RIMS2: variants seen among roughly 807,000 people sequenced by gnomAD.
The protein encoded by RIMS2 is regulating synaptic membrane exocytosis protein 2.
Under a neutral mutation model 174.4 loss-of-function variants are expected in RIMS2, and 59 were observed. That is an observed-to-expected ratio of 0.34 (90% CI 0.27 to 0.42). The LOEUF (loss-of-function observed/expected upper bound fraction) is 0.42, where lower values mean the gene tolerates loss of function less well. Ranked by LOEUF, RIMS2 falls within the 10% of genes least tolerant of loss-of-function variation. The pLI, the probability that RIMS2 is intolerant of heterozygous loss-of-function variation, is 1.00. For synonymous variants in RIMS2, 606 were observed against 572.5 expected (o/e 1.06, Z -0.84); for missense variants, 1,620 against 1,666.3 (o/e 0.97, Z 0.48).
chr8:104,134,892 A>C (rs2098505443), intron 19 of RIMS2, among the ~76,000 whole-genome samples: 1 of 152,144 alleles, frequency 6.6e-6, no homozygotes, highest in Non-Finnish European at 1.5e-5. Context: ...ATTTAAGCAG[A>C]ATTTATATTG....
chr8:104,056,809 TGA>T (rs1374824942), intron 19 of RIMS2, among the ~76,000 whole-genome samples: 8 of 152,136 alleles, frequency 5.3e-5, no homozygotes, highest in Admixed American at 1.3e-4. Context: ...CACTTAAGCC[TGA>T]GAGGTAAAAA....
At chr8:103,586,276 C>G (rs1407398702) in intron 1 of RIMS2, among the ~76,000 whole-genome samples, 1 of 152,134 alleles carries the variant, frequency 6.6e-6, no homozygotes, top group African/African-American at 2.4e-5. Context: ...AGCATTTTAT[C>G]CAATAGCTGC....
At chr8:104,090,246 A>G (rs1239032132) in intron 19 of RIMS2, among the ~76,000 whole-genome samples, 1 of 151,798 alleles carries the variant, frequency 6.6e-6, no homozygotes, top group Non-Finnish European at 1.5e-5. Flanking sequence ...TAAATTTTGC[A>G]TATCTAAAAT....
At chr8:103,743,874 C>T (rs1336458264) in intron 2 of RIMS2, among the ~76,000 whole-genome samples, 1 of 151,956 alleles carries the variant, frequency 6.6e-6, no homozygotes, top group Non-Finnish European at 1.5e-5. Flanking sequence ...TGGGGTTGAA[C>T]TTTATTAAAT....
chr8:103,642,279 G>T (rs12542880), intron 1 of RIMS2, among the ~76,000 whole-genome samples: 1 of 151,890 alleles, frequency 6.6e-6, no homozygotes, highest in Non-Finnish European at 1.5e-5. Context: ...ATGAATCCAA[G>T]TCCATTTCAA....
At chr8:104,048,305 G>A (rs766804917) in intron 19 of RIMS2, among the ~76,000 whole-genome samples, 2 of 152,134 alleles carry the variant, frequency 1.3e-5, no homozygotes, top group East Asian at 1.9e-4. Flanking sequence ...AACAAGAAAT[G>A]CAGTGGTAAG....
intron 19 of RIMS2, among the ~76,000 whole-genome samples, chr8:104,221,455 T>A (rs2099154854): frequency 6.6e-6 from 1 of 152,328 alleles, no homozygotes; most frequent in African/African-American, 2.4e-5. Context: ...TAAAATTCTA[T>A]GATTCTTATA....
chr8:103,931,489 A>G (rs979664623), intron 12 of RIMS2, 96 bp downstream of exon 14: 9 of 796,724 alleles, frequency 1.1e-5, no homozygotes, highest in Non-Finnish European at 1.5e-5. Flanking sequence ...TTGGTATCAT[A>G]CTAGTGAGAT....
intron 1 of RIMS2, among the ~76,000 whole-genome samples, chr8:103,633,877 A>G (rs1215706231): frequency 1.3e-5 from 2 of 152,140 alleles, no homozygotes; most frequent in Non-Finnish European, 2.9e-5. Context: ...CAGTAGTAAC[A>G]TTCCCTTCAT....
At chr8:103,923,916 T>C (rs2154530143) in intron 10 of RIMS2, among the ~76,000 whole-genome samples, 1 of 151,858 alleles carries the variant, frequency 6.6e-6, no homozygotes, top group Admixed American at 6.6e-5. Context: ...CTCTTTCGAA[T>C]CCTGATTTTT....
intron 1 of RIMS2, among the ~76,000 whole-genome samples, chr8:103,585,995 CAAA>C (rs1211573210): frequency 1.4e-5 from 2 of 143,512 alleles, no homozygotes; most frequent in African/African-American, 5.1e-5. Flanking sequence ...TAAAACAAGA[CAAA>C]GAAGGTTGCT....
intron 19 of RIMS2, among the ~76,000 whole-genome samples, chr8:104,135,080 T>C (rs2098507214): frequency 6.6e-6 from 1 of 152,186 alleles, no homozygotes; most frequent in Non-Finnish European, 1.5e-5. Context: ...AAACTTCATG[T>C]ATATGGTATA....
intron 19 of RIMS2, among the ~76,000 whole-genome samples, chr8:104,076,650 G>A (rs1313994485): frequency 2.0e-5 from 3 of 152,046 alleles, no homozygotes; most frequent in Admixed American, 6.6e-5. Context: ...AAAGACTACA[G>A]AGTAGTATTA....
At chr8:104,244,797 AACAAGAGCACTTTTTATTT>A in intron 19 of RIMS2, 100 bp from the exon 26 acceptor site, 1 of 757,116 alleles carries the variant, frequency 1.3e-6, no homozygotes, top group Non-Finnish European at 2.2e-6. Context: ...CTGCCTCCTT[AACAAGAGCACTTTTTATTT>A]ACACAGTTCT....
chr8:104,251,231 A>G, intron 23 of RIMS2, 68 bp downstream of exon 29: 1 of 1,289,700 alleles, frequency 7.8e-7, no homozygotes, highest in African/African-American at 1.5e-5. Flanking sequence ...TTATACCCCA[A>G]ATCTTTTCTG....
chr8:104,153,564 A>G (rs1174629012), intron 19 of RIMS2, among the ~76,000 whole-genome samples: 2 of 152,200 alleles, frequency 1.3e-5, no homozygotes, highest in Non-Finnish European at 2.9e-5. Flanking sequence ...AAGTACAGTT[A>G]TTACATGATT....
chr8:103,594,843 A>G (rs2094423741), intron 1 of RIMS2, among the ~76,000 whole-genome samples: 1 of 151,802 alleles, frequency 6.6e-6, no homozygotes, highest in Admixed American at 6.6e-5. Context: ...ACAATATATA[A>G]GTATGTTTCA....
At chr8:103,807,628 T>G (rs1418768132) in intron 3 of RIMS2, among the ~76,000 whole-genome samples, 2 of 152,046 alleles carry the variant, frequency 1.3e-5, no homozygotes, top group African/African-American at 4.8e-5. Context: ...ACAATTAATA[T>G]TATTTGTTTA....
intron 3 of RIMS2, among the ~76,000 whole-genome samples, chr8:103,818,778 G>T (rs1293961462): frequency 6.6e-6 from 1 of 152,050 alleles, no homozygotes; most frequent in Non-Finnish European, 1.5e-5. Flanking sequence ...AATAAATGGA[G>T]AAATTTTAAA....
Sources: gnomAD v4.1 joint callset for allele counts (sites outside exome capture counted in the v4.1 genomes callset) on GRCh38, gnomAD v4.1.1 for gene constraint, MANE v1.5 for transcripts, NCBI Gene and HGNC (gene_info 2026-07-23, HGNC 2026-07-21) for gene names.